The following SIPA1L3 variants were observed in gnomAD, a reference collection of about 807,000 sequenced individuals.
SIPA1L3 encodes the protein signal induced proliferation associated 1 like 3.
SIPA1L3 carries 59 observed loss-of-function variants against 150.1 expected under a neutral mutation model. That is an observed-to-expected ratio of 0.39 (90% confidence interval 0.32 to 0.49). The LOEUF is 0.49. Ranked by LOEUF, SIPA1L3 falls within the 20% of genes least tolerant of loss-of-function variation. The probability of loss-of-function intolerance (pLI) is 0.86; values close to 1 mark genes in which losing one functional copy is unlikely to be tolerated. For synonymous variants in SIPA1L3, 1,070 were observed against 1,077.6 expected, an observed-to-expected ratio of 0.99 and a Z score of 0.14; for missense variants, 2,211 against 2,489.5, an observed-to-expected ratio of 0.89 and a Z score of 2.38.
At chr19:38,054,961 A>G (rs1969284157) in intron 2 of SIPA1L3, among the ~76,000 whole-genome samples, 1 of 152,198 alleles carries the variant, frequency 6.6e-6, no homozygotes, top group African/African-American at 2.4e-5. Context: ...CAAGTAAACG[A>G]CTGAATAGAG....
At chr19:37,995,062 G>A (rs1967602588) in intron 1 of SIPA1L3, among the ~76,000 whole-genome samples, 1 of 152,170 alleles carries the variant, frequency 6.6e-6, no homozygotes, top group South Asian at 2.1e-4. Context: ...TGAGCTAGGA[G>A]GAGAGGAGTA....
intron 8 of SIPA1L3, among the ~76,000 whole-genome samples, chr19:38,114,419 T>G (rs1600090182): frequency 7.7e-6 from 1 of 129,824 alleles, no homozygotes; most frequent in African/African-American, 2.9e-5. Context: ...GCGAAACTCT[T>G]GTCTCAAAAA....
chr19:37,913,965 C>T (rs1177050523), intron 1 of SIPA1L3, among the ~76,000 whole-genome samples: 2 of 141,756 alleles, frequency 1.4e-5, no homozygotes, highest in Non-Finnish European at 3.0e-5. Context: ...GCGGAGTTTA[C>T]AGTGAGCCTA....
chr19:37,979,554 C>T (rs1316953098), intron 1 of SIPA1L3, among the ~76,000 whole-genome samples: 13 of 127,178 alleles, frequency 1.0e-4, no homozygotes, highest in African/African-American at 4.1e-4. Context: ...GAGACTCTGT[C>T]TCAAAAAAAA....
chr19:38,136,619 T>A (rs1240881201), intron 10 of SIPA1L3, among the ~76,000 whole-genome samples: 1 of 152,240 alleles, frequency 6.6e-6, no homozygotes, highest in Non-Finnish European at 1.5e-5. Flanking sequence ...AAAATTTTTT[T>A]AATCAATAAA....
intron 1 of SIPA1L3, among the ~76,000 whole-genome samples, chr19:38,007,997 G>A (rs551902779): frequency 7.9e-5 from 12 of 152,184 alleles, no homozygotes; most frequent in Middle Eastern, 6.8e-3. Context: ...TGTATCCCCA[G>A]CGTCTAGAGC....
At chr19:37,941,138 C>G (rs1278840683) in intron 1 of SIPA1L3, among the ~76,000 whole-genome samples, 1 of 145,676 alleles carries the variant, frequency 6.9e-6, no homozygotes, top group Non-Finnish European at 1.5e-5. Flanking sequence ...TCTTTTTTGG[C>G]AGGCAGGGCT....
chr19:38,031,844 G>A (rs1968661023), intron 2 of SIPA1L3, among the ~76,000 whole-genome samples: 1 of 152,234 alleles, frequency 6.6e-6, no homozygotes, highest in Non-Finnish European at 1.5e-5. Flanking sequence ...CAGCTACTCA[G>A]GAGGTTGAGG....
At chr19:38,163,552 TGATGTGGTCA>T (rs1411499644) in intron 14 of SIPA1L3, among the ~76,000 whole-genome samples, 1 of 139,566 alleles carries the variant, frequency 7.2e-6, no homozygotes, top group Non-Finnish European at 1.5e-5. Flanking sequence ...AGCTCAAGGA[TGATGTGGTCA>T]GAGAGGGCCT....
intron 1 of SIPA1L3, among the ~76,000 whole-genome samples, chr19:37,999,246 C>G (rs1486918988): frequency 6.6e-6 from 1 of 152,176 alleles, no homozygotes; most frequent in East Asian, 1.9e-4. Context: ...GAGGAGGAGA[C>G]CAAACCCCCC....
chr19:37,919,259 A>G (rs1007286921), intron 1 of SIPA1L3, among the ~76,000 whole-genome samples: 2 of 152,096 alleles, frequency 1.3e-5, no homozygotes, highest in African/African-American at 4.8e-5. Context: ...CTTATCTCCA[A>G]CTGCTGGACA....
At chr19:38,060,290 G>A (rs556313908) in intron 2 of SIPA1L3, among the ~76,000 whole-genome samples, 5 of 152,282 alleles carry the variant, frequency 3.3e-5, no homozygotes, top group African/African-American at 1.2e-4. Context: ...CTAGTTTGGA[G>A]TTAATGCATT....
At chr19:38,096,240 C>T (rs752492058) in intron 4 of SIPA1L3, among the ~76,000 whole-genome samples, 2 of 152,032 alleles carry the variant, frequency 1.3e-5, no homozygotes, top group Non-Finnish European at 2.9e-5. Flanking sequence ...TAATACTTAT[C>T]CTCCTTAGTC....
intron 1 of SIPA1L3, among the ~76,000 whole-genome samples, chr19:38,009,777 C>T (rs1488530495): frequency 1.3e-5 from 2 of 152,094 alleles, no homozygotes; most frequent in East Asian, 3.9e-4. Flanking sequence ...CGTTGCCACA[C>T]TGCTTCCCCA....
chr19:37,970,479 C>G (rs1163118768), intron 1 of SIPA1L3, among the ~76,000 whole-genome samples: 6 of 152,198 alleles, frequency 3.9e-5, no homozygotes, highest in Admixed American at 6.6e-5. Flanking sequence ...AGATACCGTT[C>G]TGAATCTCTG....
At chr19:38,206,053 C>T (rs987810382) in intron 21 of SIPA1L3, 44 bp from the exon 22 acceptor site, 44 of 1,496,526 alleles carry the variant, frequency 2.9e-5, no homozygotes, top group Admixed American at 4.3e-5. Flanking sequence ...GTTCCAGGAG[C>T]GGCCAAGCCC....
chr19:38,152,687 C>T (rs950151602), intron 12 of SIPA1L3, among the ~76,000 whole-genome samples, 153 bp from the exon 13 acceptor site: 1 of 152,216 alleles, frequency 6.6e-6, no homozygotes, highest in African/African-American at 2.4e-5. Flanking sequence ...TCCAGGCTTA[C>T]TCATCCAGCC....
chr19:38,025,698 A>G (rs1042257793), intron 1 of SIPA1L3, among the ~76,000 whole-genome samples: 3 of 152,142 alleles, frequency 2.0e-5, no homozygotes, highest in Admixed American at 6.5e-5. Context: ...AAAATTTTAT[A>G]AGAGCTTTAT....
intron 8 of SIPA1L3, among the ~76,000 whole-genome samples, chr19:38,111,761 C>A (rs1398312306): frequency 6.6e-6 from 1 of 152,252 alleles, no homozygotes; most frequent in African/African-American, 2.4e-5. Flanking sequence ...CCACCTCTCC[C>A]CCTGCCCATC....
Sources: gnomAD v4.1 joint callset for allele counts (sites outside exome capture counted in the v4.1 genomes callset) on GRCh38, gnomAD v4.1.1 for gene constraint, MANE v1.5 for transcripts, NCBI Gene and HGNC (gene_info 2026-07-23, HGNC 2026-07-21) for gene names.